The following CES4A variants were observed in gnomAD, a reference collection of about 807,000 sequenced individuals.
The protein encoded by CES4A is carboxylesterase 6.
A neutral mutation model predicts 65.4 loss-of-function variants in CES4A; 48 were observed. That is an observed-to-expected ratio of 0.73 (90% CI 0.58 to 0.93). The LOEUF (loss-of-function observed/expected upper bound fraction) is 0.93. Among genes scored for constraint, CES4A ranks in the 40% least tolerant of loss-of-function variants. The pLI is 0.00. For synonymous variants in CES4A, 247 were observed against 281.8 expected, an observed-to-expected ratio of 0.88 and a Z score of 1.24; for missense variants, 685 against 728.5, an observed-to-expected ratio of 0.94 and a Z score of 0.69.
At chr16:67,009,051 C>T (rs1435402067) in exon 14 of CES4A, 1 of 1,614,198 alleles carries the variant, frequency 6.2e-7, no homozygotes, top group Non-Finnish European at 8.5e-7. Context: ...GATTTTACCA[C>T]AAGAGTGGGC....
intron 1 of CES4A, among the ~76,000 whole-genome samples, chr16:66,995,097 G>A (rs1567572309): frequency 1.3e-5 from 2 of 152,034 alleles, no homozygotes; most frequent in African/African-American, 4.8e-5. Context: ...AGATCACGAG[G>A]TCAGGAGATC....
intron 13 of CES4A, chr16:67,007,617 CT>C (rs778737096): frequency 1.9e-4 from 27 of 144,818 alleles, no homozygotes; most frequent in African/African-American, 3.0e-4. Context: ...CTTTCTTCTT[CT>C]TTTTTTTTTT....
chr16:66,989,866 AC>A (rs1964238417), intron 1 of CES4A, among the ~76,000 whole-genome samples: 1 of 151,660 alleles, frequency 6.6e-6, no homozygotes, highest in Middle Eastern at 3.2e-3. Flanking sequence ...AAAAAAAAAA[AC>A]AAAAAACCAT....
At chr16:66,991,214 A>G (rs541908722) in intron 1 of CES4A, among the ~76,000 whole-genome samples, 5 of 152,044 alleles carry the variant, frequency 3.3e-5, no homozygotes, top group African/African-American at 9.6e-5. Context: ...TAGTAGAGAC[A>G]GGGTTTCACC....
Position 67,006,532 on chromosome 16 carries a change from C to T in CES4A, c.1444+13C>T. 6.5e-7 allele frequency: 1 copy of T among 1,539,796 alleles called. No homozygotes were observed. The highest frequency in any genetic ancestry group is 8.7e-7 in the Non-Finnish European group (1 of 1,148,094). On this transcript the variant is annotated intron_variant, in intron 12 of 13. Coordinates refer to ENST00000648724, the Ensembl canonical transcript of CES4A. The stretch of plus-strand genomic sequence containing the variant: ...CCCTTCGCCACAGGTGCAAAGGTCC[C>T]ACCTGATACCCCAACTGGGTGTCCA...
At position 67,000,669 on chromosome 16, in the gene CES4A, T is replaced by C. The variant is rs1365373602; in HGVS notation, c.292T>C (p.Ser98Pro). ...GCAGGAGTCCTGGGGCCAGCTGGCC[T>C]CGATGTACGTCAGCACGCGGGAACG... The change falls in exon 3 of 14, where the codon TCG becomes CCG. Residue 98 changes from serine to proline, a missense_variant. Physicochemically the swap from Ser to Pro is moderately conservative, Grantham distance 74. Coordinates refer to ENST00000648724, the Ensembl canonical transcript of CES4A. This position sits in a 1 kb window ranked among gnomAD's most constrained non-coding sequence, Gnocchi z 4.2. 6.5e-7 allele frequency: 1 copy of C among 1,549,636 alleles called. No individual in the cohort carries two copies. Among genetic ancestry groups the C allele is most frequent in the Non-Finnish European group, 8.7e-7 (1 of 1,146,870 alleles).
intron 1 of CES4A, among the ~76,000 whole-genome samples, chr16:66,994,390 A>T (rs1038225331): frequency 4.0e-5 from 6 of 149,410 alleles, no homozygotes. Flanking sequence ...GTGTGTCACC[A>T]CGCCCAGCTA....
At chr16:67,005,255 C>A (rs1389705981) in exon 11 of CES4A, 2 of 1,614,078 alleles carry the variant, frequency 1.2e-6, no homozygotes, top group African/African-American at 2.7e-5. Context: ...CACCAAGGAG[C>A]AGGTACCACT....
intron 5 of CES4A, among the ~76,000 whole-genome samples, chr16:67,002,160 AG>A (rs890396990): frequency 3.3e-5 from 5 of 152,150 alleles, no homozygotes; most frequent in African/African-American, 4.8e-5. Context: ...TAAAAAGCAG[AG>A]GAAAAAAAAA....
At position 67,001,485 on chromosome 16, in the gene CES4A, C is replaced by A. The variant is rs376450554; in HGVS notation, c.690+24C>A. The A allele has an allele frequency of 6.4e-7, 1 of 1,573,176 alleles. No homozygotes were observed. Among genetic ancestry groups the A allele is most frequent in the Admixed American group, 1.8e-5 (1 of 54,106 alleles). On this transcript the variant is annotated intron_variant, in intron 5 of 13. Coordinates refer to ENST00000648724, the Ensembl canonical transcript of CES4A. The surrounding 1 kb of genome is among the most constrained non-coding windows in gnomAD (Gnocchi z 4.1). ...TGGTGAGAGCAATGCCCAGACGGAC[C>A]GAGCACAGACTTAGGCTCCTGCGTT... is the stretch of plus-strand genomic sequence containing the variant.
intron 11 of CES4A, 135 bp from the exon 12 acceptor site, chr16:67,006,256 A>C (rs1965749821): frequency 2.3e-6 from 2 of 884,964 alleles, no homozygotes; most frequent in Admixed American, 5.1e-5. Context: ...TGCAGACAGG[A>C]TTCAAGTCTG....
intron 1 of CES4A, among the ~76,000 whole-genome samples, 198 bp from the exon 2 acceptor site, chr16:66,995,430 T>C (rs1964762189): frequency 6.6e-6 from 1 of 152,104 alleles, no homozygotes; most frequent in Non-Finnish European, 1.5e-5. Context: ...TTATGATCAA[T>C]TGTTATGAAA....
At chr16:66,995,696 G>T in exon 2 of CES4A, 5 of 1,614,234 alleles carry the variant, frequency 3.1e-6, no homozygotes, top group Non-Finnish European at 4.2e-6. Flanking sequence ...ACAGATGCAT[G>T]TGGGGAAGAC....
In CES4A at chr16:67,003,998, A is replaced by G; in HGVS notation, c.940-86A>G. ...TTCCCAATCAAAGAACCTAGGCTAG[A>G]GCAGCCTCTGAAGGGGCACCCAAGG... On this transcript the variant is annotated intron_variant, in intron 8 of 13. Coordinates refer to ENST00000648724, the Ensembl canonical transcript of CES4A. The surrounding 1 kb of genome is among the most constrained non-coding windows in gnomAD (Gnocchi z 4.2). 3.6e-6 allele frequency: 5 copies of G among 1,388,978 alleles called. No homozygotes were observed. Among genetic ancestry groups the G allele is most frequent in the Non-Finnish European group, 5.1e-6 (5 of 987,604 alleles). The allele number at this position is 1,388,978 out of a possible 1,614,324, so 86.0% of individuals were successfully genotyped here. A position where few individuals can be genotyped will look rare whatever the true frequency, so the allele number is the denominator to read the frequency against.
intron 1 of CES4A, among the ~76,000 whole-genome samples, chr16:66,990,085 C>G (rs1414157499): frequency 6.8e-6 from 1 of 147,694 alleles, no homozygotes; most frequent in African/African-American, 2.5e-5. Context: ...GAGTCTCGCC[C>G]TGTCACCCAG....
chr16:66,989,280 A>G (rs1190697714), intron 1 of CES4A, among the ~76,000 whole-genome samples: 1 of 152,126 alleles, frequency 6.6e-6, no homozygotes, highest in East Asian at 1.9e-4. Flanking sequence ...CATTAACAAA[A>G]GTTTACTGAG....
intron 13 of CES4A, 53 bp from the exon 14 acceptor site, chr16:67,008,918 AAAG>A: frequency 6.4e-7 from 1 of 1,557,052 alleles, no homozygotes; most frequent in Non-Finnish European, 8.7e-7. Context: ...AGGGTGAAAG[AAAG>A]AAGCAGGATG....
chr16:67,004,169 C>G (rs1466373455), exon 9 of CES4A: 2 of 1,614,086 alleles, frequency 1.2e-6, no homozygotes, highest in African/African-American at 2.7e-5. Context: ...AAGGTTTCAT[C>G]TGTGCCCTAC....
At position 67,000,193 on chromosome 16, in the gene CES4A, G is replaced by A. The variant is rs1011725488; in HGVS notation, c.261-445G>A. On this transcript the variant is annotated intron_variant, in intron 2 of 13. Transcript: ENST00000648724. The surrounding 1 kb of genome is among the most constrained non-coding windows in gnomAD (Gnocchi z 4.2). Reference sequence around the variant, plus strand: ...CCAGAGTGTGGCCGAGGAGTAGGAGGAGTGTGAAGAGGCTGGGGTACTGTC... The same window carrying A: ...CCAGAGTGTGGCCGAGGAGTAGGAGAAGTGTGAAGAGGCTGGGGTACTGTC... Among the ~76,000 whole-genome samples, 8 of 152,210 alleles carry A rather than the reference G, an allele frequency of 5.3e-5. No individual in the cohort carries two copies. Among genetic ancestry groups the A allele is most frequent in the Admixed American group, 5.2e-4 (8 of 15,286 alleles).
Sources: gnomAD v4.1 joint callset for allele counts (sites outside exome capture counted in the v4.1 genomes callset) on GRCh38, gnomAD v4.1.1 for gene constraint, Gnocchi (gnomAD v3.1) non-coding constraint, MANE v1.5 for transcripts, NCBI Gene and HGNC (gene_info 2026-07-23, HGNC 2026-07-21) for gene names.